The following NDUFA10 variants were observed in gnomAD, a reference collection of about 807,000 sequenced individuals.
NDUFA10 encodes NADH dehydrogenase [ubiquinone] 1 alpha subcomplex subunit 10, mitochondrial.
In NDUFA10, 40 loss-of-function variants were observed where a neutral mutation model predicts 47.8. The observed-to-expected ratio is 0.84, with a 90% CI of 0.65 to 1.09. The LOEUF is 1.09. Among genes scored for constraint, NDUFA10 ranks in the 50% least tolerant of loss-of-function variants. The pLI is 0.00. For synonymous variants in NDUFA10, 183 were observed against 172.2 expected (o/e 1.06, Z -0.49); for missense variants, 413 against 451.1 (o/e 0.92, Z 0.76).
intron 4 of NDUFA10, among the ~76,000 whole-genome samples, chr2:239,933,314 C>T (rs1694208435): frequency 6.6e-6 from 1 of 152,182 alleles, no homozygotes; most frequent in African/African-American, 2.4e-5. Flanking sequence ...GCTCAGGCCT[C>T]CATCTCTACC....
chr2:240,023,606 A>G (rs1223479533), intron 1 of NDUFA10, among the ~76,000 whole-genome samples: 1 of 152,262 alleles, frequency 6.6e-6, no homozygotes, highest in Non-Finnish European at 1.5e-5. Flanking sequence ...TAAATGTCCA[A>G]CAACGGAGGA....
At chr2:239,976,175 C>T (rs1695508827) in intron 9 of NDUFA10, among the ~76,000 whole-genome samples, 1 of 152,214 alleles carries the variant, frequency 6.6e-6, no homozygotes, top group Non-Finnish European at 1.5e-5. Context: ...GGCTTGGTTA[C>T]ATAACAATGT....
At chr2:239,931,074 G>A (rs1197847437) in intron 4 of NDUFA10, among the ~76,000 whole-genome samples, 1 of 152,216 alleles carries the variant, frequency 6.6e-6, no homozygotes, top group Non-Finnish European at 1.5e-5. Context: ...GAGCAGAGCA[G>A]TGACTTGATT....
At chr2:240,012,653 A>C (rs1211260400) in intron 5 of NDUFA10, 2 of 152,250 alleles carry the variant, frequency 1.3e-5, no homozygotes, top group Non-Finnish European at 2.9e-5. Context: ...TGGAGCATAA[A>C]TTATACCTCA....
chr2:239,917,417 T>A (rs1047417578), intron 4 of NDUFA10, among the ~76,000 whole-genome samples: 6 of 152,206 alleles, frequency 3.9e-5, no homozygotes, highest in Admixed American at 3.3e-4. Flanking sequence ...GTTTATAGAT[T>A]CCTGTTCTCT....
intron 4 of NDUFA10, among the ~76,000 whole-genome samples, chr2:239,916,152 CAGAG>C (rs1344786002): frequency 8.6e-5 from 13 of 151,028 alleles, no homozygotes; most frequent in Admixed American, 2.0e-4. Flanking sequence ...CAGACACACA[CAGAG>C]AGACACACAG....
At chr2:239,984,813 A>G (rs904427226) in intron 9 of NDUFA10, among the ~76,000 whole-genome samples, 2 of 152,238 alleles carry the variant, frequency 1.3e-5, no homozygotes, top group South Asian at 2.1e-4. Context: ...CCCTGGTCCC[A>G]CCAGCAGAGC....
intron 9 of NDUFA10, among the ~76,000 whole-genome samples, chr2:239,986,013 A>G (rs1242231295): frequency 6.6e-6 from 1 of 152,024 alleles, no homozygotes; most frequent in Non-Finnish European, 1.5e-5. Flanking sequence ...ACGCACATGC[A>G]CACCTACTTA....
At chr2:239,931,996 C>T (rs2106373770) in intron 4 of NDUFA10, among the ~76,000 whole-genome samples, 1 of 152,142 alleles carries the variant, frequency 6.6e-6, no homozygotes, top group East Asian at 1.9e-4. Flanking sequence ...TCACCACGCC[C>T]AGCTATTTTT....
At chr2:240,011,312 A>G (rs558316121) in intron 6 of NDUFA10, among the ~76,000 whole-genome samples, 1 of 152,314 alleles carries the variant, frequency 6.6e-6, no homozygotes, top group African/African-American at 2.4e-5. Flanking sequence ...AAAAATACAC[A>G]AGTTCTCTAT....
chr2:239,918,082 G>A (rs1693907471), intron 4 of NDUFA10, among the ~76,000 whole-genome samples: 1 of 152,168 alleles, frequency 6.6e-6, no homozygotes, highest in Non-Finnish European at 1.5e-5. Flanking sequence ...TCAGGGGAAG[G>A]GCCTCTGTCT....
intron 1 of NDUFA10, 54 bp downstream of exon 1, chr2:240,025,173 C>T (rs1697809189): frequency 3.3e-6 from 2 of 598,126 alleles, no homozygotes; most frequent in East Asian, 3.3e-5. Flanking sequence ...CTCCCCACCC[C>T]GCCACCCCGC....
chr2:239,996,941 A>G (rs1334015573), intron 8 of NDUFA10, among the ~76,000 whole-genome samples: 8 of 152,048 alleles, frequency 5.3e-5, no homozygotes, highest in African/African-American at 1.9e-4. Flanking sequence ...TCTCTAGAGT[A>G]TGTATAATAC....
intron 4 of NDUFA10, among the ~76,000 whole-genome samples, chr2:239,900,136 C>G (rs1693517092): frequency 6.6e-6 from 1 of 152,036 alleles, no homozygotes; most frequent in African/African-American, 2.4e-5. Context: ...GACTCTTGGA[C>G]TTACATCAGT....
chr2:240,001,726 G>A (rs1696729102), intron 8 of NDUFA10, among the ~76,000 whole-genome samples: 1 of 152,250 alleles, frequency 6.6e-6, no homozygotes, highest in Non-Finnish European at 1.5e-5. Context: ...ATAAACCAAT[G>A]TTTGATGGCC....
intron 6 of NDUFA10, among the ~76,000 whole-genome samples, chr2:240,009,979 G>A (rs767410135): frequency 3.9e-5 from 6 of 152,114 alleles, no homozygotes; most frequent in African/African-American, 9.7e-5. Context: ...AATACAACTC[G>A]TCATAGGTTT....
chr2:239,899,109 G>A lies in NDUFA10; in HGVS notation c.295-3795C>T, dbSNP rs1381805284. Among the ~76,000 whole-genome samples, 31 of 21,096 alleles carry A rather than the reference G, an allele frequency of 1.5e-3. 8 individuals are homozygous for A. Among genetic ancestry groups the A allele is most frequent in the South Asian group, 3.3e-3 (1 of 304 alleles). The allele number at this position is 21,096 out of a possible 152,430, so 13.8% of individuals were successfully genotyped here. On this transcript the variant is annotated intron_variant, in intron 4 of 5. Transcript: ENST00000419408. ...GTGGAGGGGTGTGGTGGAGGGGTGT[G>A]ACGGAGGGGTGTGATGGAGAGGTGT...
intron 9 of NDUFA10, among the ~76,000 whole-genome samples, chr2:239,984,009 G>T (rs1240522199): frequency 6.6e-6 from 1 of 152,206 alleles, no homozygotes; most frequent in Non-Finnish European, 1.5e-5. Context: ...GAGGTGGCCA[G>T]ATCACTTGAG....
chr2:239,934,726 T>C (rs1574789088), intron 4 of NDUFA10, among the ~76,000 whole-genome samples: 1 of 152,332 alleles, frequency 6.6e-6, no homozygotes, highest in East Asian at 1.9e-4. Flanking sequence ...GTCTGTCCTT[T>C]GACAGGTCTC....
Sources: gnomAD v4.1 joint callset for allele counts (sites outside exome capture counted in the v4.1 genomes callset) on GRCh38, gnomAD v4.1.1 for gene constraint, MANE v1.5 for transcripts, NCBI Gene and HGNC (gene_info 2026-07-23, HGNC 2026-07-21) for gene names.